The following TTLL5 variants were observed in gnomAD, a reference collection of about 807,000 sequenced individuals.
The protein encoded by TTLL5 is tubulin tyrosine ligase like 5, also known as tubulin polyglutamylase TTLL5.
In TTLL5, 132 loss-of-function variants were observed where a neutral mutation model predicts 168.4. The observed-to-expected ratio is 0.78, with a 90% CI of 0.68 to 0.91. The LOEUF is 0.91. Ranked by LOEUF, TTLL5 falls within the 40% of genes least tolerant of loss-of-function variation. The pLI is 0.00. For synonymous variants in TTLL5, 546 were observed against 558.6 expected (o/e 0.98, Z 0.32); for missense variants, 1,545 against 1,581.5 (o/e 0.98, Z 0.39).
At position 75,669,513 on chromosome 14, in the gene TTLL5, G is replaced by T. The variant is rs763162558; in HGVS notation, c.172G>T (p.Val58Leu). 3.6e-5 allele frequency: 58 copies of T among 1,613,902 alleles called. No homozygotes were observed. The East Asian group carries it at 6.5e-4, about 18-fold the overall frequency. Residue 58 changes from valine (V) to leucine (L), a missense_variant, in exon 3 of 32, where the codon GTA becomes TTA. Val to Leu is a conservative substitution (Grantham distance 32). Coordinates refer to ENST00000298832, the MANE Select transcript of TTLL5 (RefSeq NM_015072.5). ...TCTTACAAAGGACAACAATATTAGA[G>T]TAATTGGAGGTGCGTATAACCTCTC... ...AILTKDNNIR[V>L]IGERYHLSYK...
chr14:75,863,992 A>G, intron 29 of TTLL5, 130 bp downstream of exon 29: 1 of 974,158 alleles, frequency 1.0e-6, no homozygotes, highest in Non-Finnish European at 1.4e-6. Context: ...CCTGGCTTGG[A>G]CAGCTCATGG....
chr14:75,744,863 C>T (rs557540744), intron 15 of TTLL5: 2 of 313,500 alleles, frequency 6.4e-6, no homozygotes, highest in African/African-American at 2.1e-5. Context: ...TCTTTTCTCT[C>T]TCAACCCATA....
intron 10 of TTLL5, 25 bp from the exon 11 acceptor site, chr14:75,719,710 A>G: frequency 6.3e-7 from 1 of 1,587,086 alleles, no homozygotes; most frequent in East Asian, 2.3e-5. Flanking sequence ...TACATATGTG[A>G]CTTTGATTTA....
At chr14:75,897,147 A>G (rs2032702632) in intron 30 of TTLL5, among the ~76,000 whole-genome samples, 1 of 148,620 alleles carries the variant, frequency 6.7e-6, no homozygotes, top group Admixed American at 6.8e-5. Flanking sequence ...CAGAGTAGGA[A>G]TAATGCTCAT....
intron 12 of TTLL5, among the ~76,000 whole-genome samples, chr14:75,726,140 C>CA (rs1332953124): frequency 6.6e-6 from 1 of 152,166 alleles, no homozygotes; most frequent in Non-Finnish European, 1.5e-5. Context: ...AGTGGTGTGA[C>CA]ATGTTTAGTA....
At chr14:75,944,890 A>C (rs1358876059) in intron 31 of TTLL5, among the ~76,000 whole-genome samples, 1 of 152,128 alleles carries the variant, frequency 6.6e-6, no homozygotes, top group Non-Finnish European at 1.5e-5. Context: ...TAACTGGCAT[A>C]TGACCTCCTA....
intron 17 of TTLL5, among the ~76,000 whole-genome samples, chr14:75,748,300 G>A (rs1202205354): frequency 1.5e-5 from 2 of 132,660 alleles, no homozygotes; most frequent in Non-Finnish European, 1.6e-5. Context: ...AAAAAAAAAA[G>A]ACATGTTCTA....
chr14:75,795,741 C>T (rs1347785862), intron 27 of TTLL5, among the ~76,000 whole-genome samples: 3 of 152,072 alleles, frequency 2.0e-5, no homozygotes, highest in South Asian at 2.1e-4. Flanking sequence ...CAGGTTGCTG[C>T]GAATACCATT....
Position 75,777,179 on chromosome 14 carries a change from C to T in TTLL5, c.2387+329C>T, listed in dbSNP as rs559675335. Among the ~76,000 whole-genome samples, 10 of 152,308 alleles carry T rather than the reference C, an allele frequency of 6.6e-5. No individual in the cohort carries two copies. The South Asian group carries it at 1.9e-3, about 28-fold the overall frequency. ...AATTATGTTGCTATTTTCATGGCTT[C>T]AGTTATCAAAACATTACTGCTGGGT... On this transcript the variant is annotated intron_variant, in intron 23 of 31. Coordinates refer to ENST00000298832, the MANE Select transcript of TTLL5 (RefSeq NM_015072.5).
chr14:75,896,323 T>C (rs1273944384), intron 30 of TTLL5, among the ~76,000 whole-genome samples: 1 of 152,200 alleles, frequency 6.6e-6, no homozygotes, highest in African/African-American at 2.4e-5. Context: ...TGTTTTGTTT[T>C]GTTTCTTTTT....
chr14:75,849,858 T>A (rs1184892835), intron 28 of TTLL5, among the ~76,000 whole-genome samples: 1 of 152,030 alleles, frequency 6.6e-6, no homozygotes, highest in South Asian at 2.1e-4. Flanking sequence ...CCCAATACTG[T>A]GGGAGGCTGA....
chr14:75,712,053 G>A (rs1887118691), intron 9 of TTLL5: 1 of 152,254 alleles, frequency 6.6e-6, no homozygotes, highest in African/African-American at 2.4e-5. Flanking sequence ...AGTCATTTCT[G>A]GCTCTAAAGA....
At chr14:75,789,875 A>G (rs543207415) in intron 26 of TTLL5, among the ~76,000 whole-genome samples, 3 of 152,332 alleles carry the variant, frequency 2.0e-5, no homozygotes, top group Admixed American at 2.0e-4. Flanking sequence ...TTCTAAAATG[A>G]TAATAGAAAG....
At position 75,863,182 on chromosome 14, in the gene TTLL5, TC is replaced by T. The variant is rs1365206858; in HGVS notation, c.3327-484del. 2.0e-4 allele frequency among the ~76,000 whole-genome samples: 30 copies of T among 152,276 alleles called. 1 individual carries two copies. The highest frequency in any genetic ancestry group is 7.0e-4 in the African/African-American group (29 of 41,558). The stretch of plus-strand genomic sequence containing the variant: ...GACATAAGCTCAAATATAAACAACT[TC>T]TAAAAAATATTTAGATATTTAACTG... On this transcript the variant is annotated intron_variant, in intron 28 of 31. Transcript: ENST00000298832.
At chr14:75,853,019 A>G (rs188503740) in intron 28 of TTLL5, among the ~76,000 whole-genome samples, 16 of 152,332 alleles carry the variant, frequency 1.1e-4, no homozygotes, top group Non-Finnish European at 2.1e-4. Flanking sequence ...CGCATTTCAT[A>G]AACAGATTTA....
In TTLL5 at chr14:75,843,044, C is replaced by A. The variant is rs556221920; in HGVS notation, c.3327-20623C>A. 9.8e-5 allele frequency among the ~76,000 whole-genome samples: 15 copies of A among 152,332 alleles called. No homozygotes were observed. The East Asian group carries it at 2.9e-3, about 29-fold the overall frequency. ...AACTCCTTTCAGTATGCCCAAATTTCTTTTCTGTGGACAGAGAGCAGCCTG... is the reference window on the plus strand; with the variant it reads ...AACTCCTTTCAGTATGCCCAAATTTATTTTCTGTGGACAGAGAGCAGCCTG... On this transcript the variant is annotated intron_variant, in intron 28 of 31. Coordinates refer to ENST00000298832, the MANE Select transcript of TTLL5 (RefSeq NM_015072.5).
chr14:75,816,656 C>G (rs1017834804), intron 27 of TTLL5, among the ~76,000 whole-genome samples: 6 of 152,176 alleles, frequency 3.9e-5, no homozygotes, highest in African/African-American at 1.4e-4. Context: ...TATTAAGCCT[C>G]CTTTATTAAG....
intron 12 of TTLL5, 54 bp downstream of exon 12, chr14:75,720,757 G>T: frequency 6.7e-7 from 1 of 1,484,570 alleles, no homozygotes. Context: ...TTGGGAAGTT[G>T]GACGGGATTT....
chr14:75,665,625 G>A (rs1199946405), intron 2 of TTLL5, among the ~76,000 whole-genome samples: 1 of 152,190 alleles, frequency 6.6e-6, no homozygotes, highest in Non-Finnish European at 1.5e-5. Context: ...TTGGGAGGCC[G>A]AGGTGGGCAG....
Sources: gnomAD v4.1 joint callset for allele counts (sites outside exome capture counted in the v4.1 genomes callset) on GRCh38, gnomAD v4.1.1 for gene constraint, MANE v1.5 for transcripts, NCBI Gene and HGNC (gene_info 2026-07-23, HGNC 2026-07-21) for gene names.